The following ROCK2 variants were observed in gnomAD, a reference collection of about 807,000 sequenced individuals.
The protein encoded by ROCK2 is Rho associated coiled-coil containing protein kinase 2.
ROCK2 carries 61 observed loss-of-function variants against 195.1 expected under a neutral mutation model. The ratio of observed to expected loss-of-function variants is 0.31; its 90% confidence interval spans 0.25 to 0.39. ROCK2 has a LOEUF of 0.39. Among genes scored for constraint, ROCK2 ranks in the 10% least tolerant of loss-of-function variants. The pLI is 1.00. For synonymous variants in ROCK2, 504 were observed against 545.5 expected, an observed-to-expected ratio of 0.92 and a Z score of 1.06; for missense variants, 1,109 against 1,637.4, an observed-to-expected ratio of 0.68 and a Z score of 5.57.
At chr2:11,325,247 G>C (rs756178357) in intron 1 of ROCK2, among the ~76,000 whole-genome samples, 6 of 152,294 alleles carry the variant, frequency 3.9e-5, no homozygotes, top group South Asian at 4.2e-4. Flanking sequence ...TTTTGTGTAT[G>C]TGGTTCTGGC....
intron 1 of ROCK2, among the ~76,000 whole-genome samples, chr2:11,322,595 G>T (rs1336840098): frequency 6.6e-6 from 1 of 151,840 alleles, no homozygotes; most frequent in Non-Finnish European, 1.5e-5. Context: ...TAGCAAGTAA[G>T]GTATCATTTT....
At chr2:11,327,622 G>A (rs1224695188) in intron 1 of ROCK2, among the ~76,000 whole-genome samples, 1 of 152,186 alleles carries the variant, frequency 6.6e-6, no homozygotes, top group Non-Finnish European at 1.5e-5. Flanking sequence ...GAGTGCAATG[G>A]TATAATCTCA....
At chr2:11,247,988 C>T (rs986964781) in intron 4 of ROCK2, among the ~76,000 whole-genome samples, 11 of 151,824 alleles carry the variant, frequency 7.2e-5, no homozygotes, top group Admixed American at 3.9e-4. Context: ...CGCCACTGAA[C>T]TCCAGCCTGG....
chr2:11,186,160 AACAC>A (rs1013257297), intron 32 of ROCK2, among the ~76,000 whole-genome samples: 1 of 152,222 alleles, frequency 6.6e-6, no homozygotes, highest in African/African-American at 2.4e-5. Context: ...CATTTGAGAA[AACAC>A]ACAAACAGAT....
Position 11,207,924 on chromosome 2 carries a change from T to G in ROCK2, c.2365-14A>C. On this transcript the variant is annotated splice_polypyrimidine_tract_variant and intron_variant, in intron 19 of 32. Coordinates refer to ENST00000315872, the MANE Select transcript of ROCK2 (RefSeq NM_004850.5). ...CAGGTTTCTAACCTAAGAAATAAAT[T>G]GTGTACTTGGTATATAAGTAAATTA... The G allele has an allele frequency of 9.8e-6, 15 of 1,532,824 alleles. No homozygotes were observed. Among genetic ancestry groups the G allele is most frequent in the Non-Finnish European group, 1.2e-5 (14 of 1,137,198 alleles). 95.0% of individuals were successfully genotyped at this position (1,532,824 alleles called of 1,614,324 possible).
intron 9 of ROCK2, among the ~76,000 whole-genome samples, chr2:11,219,409 G>C (rs1009677792): frequency 3.3e-5 from 5 of 151,900 alleles, no homozygotes; most frequent in African/African-American, 1.2e-4. Flanking sequence ...TACTCGGGAG[G>C]CTGAGGCATG....
intron 1 of ROCK2, among the ~76,000 whole-genome samples, chr2:11,337,246 GAAAA>G (rs774024004): frequency 9.5e-6 from 1 of 105,276 alleles, no homozygotes; most frequent in Non-Finnish European, 2.0e-5. Context: ...CTCTACCTCA[GAAAA>G]AAAAAAAAAG....
chr2:11,280,676 A>G (rs1252931527), intron 3 of ROCK2, among the ~76,000 whole-genome samples: 1 of 152,202 alleles, frequency 6.6e-6, no homozygotes, highest in African/African-American at 2.4e-5. Flanking sequence ...TTAATAATTT[A>G]GATGAAATGG....
chr2:11,344,930 CT>C (rs921025955), upstream of ROCK2, among the ~76,000 whole-genome samples: 10 of 121,408 alleles, frequency 8.2e-5, no homozygotes, highest in Admixed American at 4.6e-4. This position sits in a 1 kb window ranked among gnomAD's most constrained non-coding sequence, Gnocchi z 5.4. Flanking sequence ...CGCGCGCCCC[CT>C]GCCCCTCCCG....
At chr2:11,207,965 T>C (rs150986222) in intron 19 of ROCK2, 55 bp from the exon 20 acceptor site, 129 of 1,282,140 alleles carry the variant, frequency 1.0e-4, no homozygotes, top group Middle Eastern at 9.4e-4. Flanking sequence ...ATTTTTCTAA[T>C]CAATGAAGTT....
At chr2:11,309,181 T>TAAA (rs34609303) in intron 1 of ROCK2, among the ~76,000 whole-genome samples, 2 of 146,486 alleles carry the variant, frequency 1.4e-5, no homozygotes. Context: ...TACTTTCTAT[T>TAAA]AAAAAAAAAA....
chr2:11,223,806 G>A (rs911555683), intron 7 of ROCK2, among the ~76,000 whole-genome samples: 13 of 152,144 alleles, frequency 8.5e-5, no homozygotes, highest in African/African-American at 3.1e-4. Context: ...TTTGGGGGCA[G>A]GTTTTCACAC....
intron 32 of ROCK2, among the ~76,000 whole-genome samples, chr2:11,185,240 A>C (rs1362134264): frequency 1.3e-5 from 2 of 152,156 alleles, no homozygotes; most frequent in African/African-American, 4.8e-5. Context: ...TTCCAGTAGG[A>C]CCCTGCCTGC....
intron 3 of ROCK2, among the ~76,000 whole-genome samples, chr2:11,277,422 C>T (rs1006171768): frequency 3.0e-5 from 2 of 65,746 alleles, no homozygotes; most frequent in Admixed American, 2.1e-4. Context: ...GATTTTGGTG[C>T]ACCCATCCCC....
chr2:11,287,331 C>A (rs972054168), intron 2 of ROCK2, among the ~76,000 whole-genome samples: 1 of 152,058 alleles, frequency 6.6e-6, no homozygotes, highest in Non-Finnish European at 1.5e-5. Context: ...CTTATTAATT[C>A]TCTGGGCAAT....
chr2:11,279,474 G>A (rs1666930545), intron 3 of ROCK2, among the ~76,000 whole-genome samples: 2 of 152,146 alleles, frequency 1.3e-5, no homozygotes, highest in South Asian at 4.1e-4. Context: ...TTCTCCAAGA[G>A]GACATAACAA....
At chr2:11,280,641 G>A (rs1372102550) in intron 3 of ROCK2, among the ~76,000 whole-genome samples, 1 of 151,966 alleles carries the variant, frequency 6.6e-6, no homozygotes, top group Non-Finnish European at 1.5e-5. Context: ...GTGAATGAAT[G>A]AATGATAACT....
chr2:11,295,314 C>A (rs1409468007), intron 1 of ROCK2, among the ~76,000 whole-genome samples: 1 of 151,834 alleles, frequency 6.6e-6, no homozygotes, highest in Non-Finnish European at 1.5e-5. Context: ...AAACTACTGG[C>A]CAGATAAAAT....
At chr2:11,228,396 T>C (rs1423988237) in intron 5 of ROCK2, among the ~76,000 whole-genome samples, 1 of 152,176 alleles carries the variant, frequency 6.6e-6, no homozygotes, top group East Asian at 1.9e-4. Context: ...CATTCTCAAA[T>C]TGGCAGAACT....
Sources: allele counts gnomAD v4.1 joint callset (sites outside exome capture counted in the v4.1 genomes callset), GRCh38; gene constraint gnomAD v4.1.1; non-coding constraint Gnocchi (gnomAD v3.1); transcripts MANE v1.5; gene names NCBI Gene and HGNC (gene_info 2026-07-23, HGNC 2026-07-21).